Variants in ZNF84 observed in about 807,000 individuals in gnomAD.
ZNF84 encodes zinc finger protein 84, also known as zinc finger protein HPF2.
A neutral mutation model predicts 14.8 loss-of-function variants in ZNF84; 12 were observed. The observed-to-expected ratio is 0.81, with a 90% confidence interval of 0.52 to 1.31. The LOEUF (loss-of-function observed/expected upper bound fraction) is 1.31, where lower values mean the gene tolerates loss of function less well. Ranked by LOEUF, ZNF84 falls within the 50% of genes most tolerant of loss-of-function variation. The probability of loss-of-function intolerance (pLI) is 0.00; values close to 1 mark genes in which losing one functional copy is unlikely to be tolerated. For missense variants in ZNF84, 859 were observed against 878.6 expected, an observed-to-expected ratio of 0.98 and a Z score of 0.28; for synonymous variants, 347 against 291.1, an observed-to-expected ratio of 1.19 and a Z score of -1.96.
intron 4 of ZNF84, among the ~76,000 whole-genome samples, chr12:133,053,360 T>A (rs1356578948): frequency 6.6e-6 from 1 of 152,240 alleles, no homozygotes; most frequent in Non-Finnish European, 1.5e-5. Context: ...GAATGTAAGT[T>A]TAATTTATAG....
At chr12:133,038,117 T>C (rs1251457606) in intron 1 of ZNF84, 1 of 152,254 alleles carries the variant, frequency 6.6e-6, no homozygotes, top group African/African-American at 2.4e-5. Flanking sequence ...GGTTTTTTTT[T>C]GTAGACATTC....
chr12:133,053,008 A>G (rs1954097966), intron 4 of ZNF84, among the ~76,000 whole-genome samples: 1 of 152,252 alleles, frequency 6.6e-6, no homozygotes, highest in African/African-American at 2.4e-5. Context: ...GACCATACTC[A>G]ACTTGTAGGC....
At chr12:133,055,726 A>G (rs1954143033) in intron 4 of ZNF84, among the ~76,000 whole-genome samples, 1 of 152,228 alleles carries the variant, frequency 6.6e-6, no homozygotes, top group African/African-American at 2.4e-5. Flanking sequence ...AGTTTGATAA[A>G]TTCAACACCT....
chr12:133,048,943 C>A, intron 4 of ZNF84, 95 bp downstream of exon 4: 1 of 994,304 alleles, frequency 1.0e-6, no homozygotes, highest in Non-Finnish European at 1.5e-6. Context: ...GTGGGCTGGT[C>A]AGTGATGGGT....
At chr12:133,048,117 C>A in intron 3 of ZNF84, 36 bp downstream of exon 3, 1 of 1,577,694 alleles carries the variant, frequency 6.3e-7, no homozygotes, top group Non-Finnish European at 8.6e-7. Flanking sequence ...TGGACTATGC[C>A]CAATGCATTG....
Position 133,059,502 on chromosome 12 carries a change from A to G in ZNF84, c.*570A>G, listed in dbSNP as rs1954221579. 6.5e-6 allele frequency: 1 copy of G among 153,122 alleles called. No individual in the cohort carries two copies. Among genetic ancestry groups the G allele is most frequent in the South Asian group, 2.1e-4 (1 of 4,848 alleles). The allele number at this position is 153,122 out of a possible 1,614,324, so 9.5% of individuals were successfully genotyped here. The stretch of plus-strand genomic sequence containing the variant: ...GGGAAGCCATACACTTTTTGTAGAC[A>G]TGGGTACCAAAAATACCCAATTCTA... On this transcript the variant is annotated 3_prime_UTR_variant, in exon 5 of 5. Coordinates refer to ENST00000539354, the MANE Select transcript of ZNF84 (RefSeq NM_001289971.2).
Position 133,048,099 on chromosome 12 carries a change from G to T in ZNF84, c.142+18G>T. The T allele has an allele frequency of 1.2e-6, 2 of 1,611,626 alleles. No individual in the cohort carries two copies. The highest frequency in any genetic ancestry group is 1.1e-5 in the South Asian group (1 of 90,818). Reference sequence around the variant, plus strand: ...GTCACTGGGTAATAAAAGCTTTCTTGAGGACCTTGGACTATGCCCAATGCA... The same window carrying T: ...GTCACTGGGTAATAAAAGCTTTCTTTAGGACCTTGGACTATGCCCAATGCA... On this transcript the variant is annotated intron_variant, in intron 3 of 4. Transcript: ENST00000539354.
In ZNF84 at chr12:133,057,013, A is replaced by G. The variant is rs1954171040; in HGVS notation, c.298A>G (p.Ile100Val). The G allele has an allele frequency of 1.2e-6, 2 of 1,608,032 alleles. No homozygotes were observed. Among genetic ancestry groups the G allele is most frequent in the East Asian group, 2.2e-5 (1 of 44,828 alleles). ...WHQDNQDKLK[I>V]IKRGHECDAF... ...CCAGGATAACCAAGACAAGCTTAAA[A>G]TTATAAAAAGAGGTCATGAATGTGA... Residue 100 changes from isoleucine (I) to valine (V), a missense_variant, in exon 5 of 5, where the codon ATT (isoleucine) becomes GTT (valine). Ile to Val is a conservative substitution (Grantham distance 29). Transcript: ENST00000539354.
rs1954268885 is a variant in ZNF84 at position 133,061,773 on chromosome 12, G to T, written c.*2841G>T. The stretch of plus-strand genomic sequence containing the variant: ...AACAAACATTTTTTTCTAAATGTCA[G>T]GTGTTATGGGGAGGATTGATGCTGA... On this transcript the variant is annotated 3_prime_UTR_variant, in exon 5 of 5. Coordinates refer to ENST00000539354, the MANE Select transcript of ZNF84 (RefSeq NM_001289971.2). 1 of 152,168 alleles carries T rather than the reference G, an allele frequency of 6.6e-6. No individual in the cohort carries two copies. 9.4% of individuals were successfully genotyped at this position (152,168 alleles called of 1,614,324 possible).
intron 4 of ZNF84, among the ~76,000 whole-genome samples, chr12:133,051,760 C>G (rs910087753): frequency 6.6e-6 from 1 of 152,060 alleles, no homozygotes; most frequent in East Asian, 1.9e-4. Context: ...TATACAGTCT[C>G]GGCATAGTAA....
At chr12:133,044,885 G>A (rs1953951880) in intron 2 of ZNF84, among the ~76,000 whole-genome samples, 1 of 151,796 alleles carries the variant, frequency 6.6e-6, no homozygotes, top group Non-Finnish European at 1.5e-5. Context: ...CTGCACTCCA[G>A]CCTGGGCAAC....
At chr12:133,043,249 C>T (rs1953916573) in intron 2 of ZNF84, among the ~76,000 whole-genome samples, 1 of 152,148 alleles carries the variant, frequency 6.6e-6, no homozygotes, top group East Asian at 1.9e-4. Context: ...ACAATCTCAG[C>T]TCACTGCAAC....
intron 1 of ZNF84, among the ~76,000 whole-genome samples, chr12:133,039,209 T>C (rs1460467134): frequency 2.0e-5 from 3 of 152,242 alleles, no homozygotes; most frequent in Non-Finnish European, 4.4e-5. Flanking sequence ...GAGAAACTGC[T>C]GTGTGTTTCT....
chr12:133,044,476 T>G (rs1390769886), intron 2 of ZNF84, among the ~76,000 whole-genome samples: 1 of 152,210 alleles, frequency 6.6e-6, no homozygotes, highest in Non-Finnish European at 1.5e-5. Context: ...AGTAAATGTT[T>G]GGAAGAATCA....
At chr12:133,052,869 G>A (rs2137395425) in intron 4 of ZNF84, among the ~76,000 whole-genome samples, 1 of 152,246 alleles carries the variant, frequency 6.6e-6, no homozygotes, top group South Asian at 2.1e-4. Context: ...GTCTCCAAAA[G>A]GAATGATAAA....
At chr12:133,038,594 C>T (rs1298367286) in intron 1 of ZNF84, among the ~76,000 whole-genome samples, 2 of 150,724 alleles carry the variant, frequency 1.3e-5, no homozygotes, top group Non-Finnish European at 2.9e-5. Flanking sequence ...TGTTCTTGAA[C>T]CTTTTTTCTT....
In ZNF84 at chr12:133,057,600, A is replaced by G; in HGVS notation, c.885A>G (p.Glu295=). Residue 295 remains glutamate (E), a synonymous_variant, in exon 5 of 5, where the codon GAA becomes GAG. Coordinates refer to ENST00000539354, the MANE Select transcript of ZNF84 (RefSeq NM_001289971.2). ...GAGAGAAACCTTATGAGTGTGGTGAATGTGGGAAAGCCTTCTCCCGGAAGT... is the reference window on the plus strand; with the variant it reads ...GAGAGAAACCTTATGAGTGTGGTGAGTGTGGGAAAGCCTTCTCCCGGAAGT... ...HTGEKPYECG[E]CGKAFSRKSH... 1 of 1,614,074 alleles carries G rather than the reference A, an allele frequency of 6.2e-7. No individual in the cohort carries two copies. The highest frequency in any genetic ancestry group is 1.7e-5 in the Admixed American group (1 of 60,006).
At position 133,061,235 on chromosome 12, in the gene ZNF84, G is replaced by A. The variant is rs1480055333; in HGVS notation, c.*2303G>A. The A allele has an allele frequency of 4.6e-5, 7 of 152,288 alleles. No individual in the cohort carries two copies. The East Asian group carries it at 1.4e-3, about 29-fold the overall frequency. The allele number at this position is 152,288 out of a possible 1,614,324, so 9.4% of individuals were successfully genotyped here. A position where few individuals can be genotyped will look rare whatever the true frequency, so the allele number is the denominator to read the frequency against. On this transcript the variant is annotated 3_prime_UTR_variant, in exon 5 of 5. Coordinates refer to ENST00000539354, the MANE Select transcript of ZNF84 (RefSeq NM_001289971.2). ...TAATCCCAGCACTTTGGGAGGCTGA[G>A]GACCTCAAGTGGAGACCTCAAGTGG...
Position 133,060,967 on chromosome 12 carries a change from G to T in ZNF84, c.*2035G>T, listed in dbSNP as rs1399526306. ...CTTCTCCTTTTATGTTCAAATTGTT[G>T]TATCAGTATGGTATTTTGCACCTTT... On this transcript the variant is annotated 3_prime_UTR_variant, in exon 5 of 5. Transcript: ENST00000539354. 4 of 152,226 alleles carry T rather than the reference G, an allele frequency of 2.6e-5. No homozygotes were observed. The East Asian group carries it at 7.7e-4, about 29-fold the overall frequency. 9.4% of individuals were successfully genotyped at this position (152,226 alleles called of 1,614,324 possible). A position where few individuals can be genotyped will look rare whatever the true frequency, so the allele number is the denominator to read the frequency against.
Sources: gnomAD v4.1 joint callset for allele counts (sites outside exome capture counted in the v4.1 genomes callset) on GRCh38, gnomAD v4.1.1 for gene constraint, MANE v1.5 for transcripts, NCBI Gene and HGNC (gene_info 2026-07-23, HGNC 2026-07-21) for gene names.